The following DMRT1 variants were observed in gnomAD, a reference collection of about 807,000 sequenced individuals.
DMRT1 encodes the protein doublesex- and mab-3-related transcription factor 1.
A neutral mutation model predicts 32.3 loss-of-function variants in DMRT1; 7 were observed. That is an observed-to-expected ratio of 0.22 (90% confidence interval 0.12 to 0.41). DMRT1 has a LOEUF of 0.41. DMRT1 is among the 10% of genes least tolerant of loss of function. The pLI, the probability that DMRT1 is intolerant of heterozygous loss-of-function variation, is 1.00. For missense variants in DMRT1, 625 were observed against 500.5 expected (o/e 1.25, Z -2.37); for synonymous variants, 278 against 206.1 (o/e 1.35, Z -2.99).
At chr9:960,393 C>A (rs965143258) in intron 4 of DMRT1, among the ~76,000 whole-genome samples, 13 of 152,094 alleles carry the variant, frequency 8.5e-5, no homozygotes, top group African/African-American at 2.9e-4. Context: ...TATTAATTTC[C>A]AATGGAGTAC....
intron 4 of DMRT1, among the ~76,000 whole-genome samples, chr9:924,547 G>T (rs1818461366): frequency 6.6e-6 from 1 of 152,006 alleles, no homozygotes; most frequent in African/African-American, 2.4e-5. Context: ...TTTCTGTTTT[G>T]GCAGGTGCCT....
chr9:961,443 C>T (rs1586669151), intron 4 of DMRT1, among the ~76,000 whole-genome samples: 1 of 152,264 alleles, frequency 6.6e-6, no homozygotes, highest in East Asian at 1.9e-4. Context: ...TTCCTTCCTC[C>T]AAATGCTAGT....
At chr9:860,999 T>C (rs1426478824) in intron 2 of DMRT1, among the ~76,000 whole-genome samples, 1 of 151,156 alleles carries the variant, frequency 6.6e-6, no homozygotes. Context: ...ATGAATGCAG[T>C]GGACAGCCAT....
intron 4 of DMRT1, among the ~76,000 whole-genome samples, chr9:942,639 C>A (rs559066223): frequency 1.3e-5 from 2 of 152,166 alleles, no homozygotes; most frequent in East Asian, 3.9e-4. Context: ...AAACACTATA[C>A]CTGTGGTTCT....
chr9:893,767 G>T, intron 2 of DMRT1, 145 bp from the exon 3 acceptor site: 1 of 727,124 alleles, frequency 1.4e-6, no homozygotes, highest in Non-Finnish European at 2.3e-6. Context: ...CCCTTATTTT[G>T]GCTATAGGAG....
intron 3 of DMRT1, among the ~76,000 whole-genome samples, chr9:897,387 A>G (rs1330377241): frequency 6.6e-6 from 1 of 151,870 alleles, no homozygotes; most frequent in African/African-American, 2.4e-5. Context: ...AAGTGCTGGG[A>G]TTACAGGCGT....
intron 2 of DMRT1, among the ~76,000 whole-genome samples, chr9:857,208 G>C (rs2132566333): frequency 6.6e-6 from 1 of 152,302 alleles, no homozygotes; most frequent in South Asian, 2.1e-4. Context: ...TCGGGAGGCA[G>C]AGGTGGGAGA....
intron 2 of DMRT1, among the ~76,000 whole-genome samples, chr9:857,297 ACT>A (rs1213079018): frequency 2.1e-5 from 3 of 139,604 alleles, no homozygotes; most frequent in Non-Finnish European, 3.3e-5. Context: ...ACAGAGCAAG[ACT>A]CTATCTCAAA....
chr9:894,254 C>T (rs561607936), intron 3 of DMRT1, 59 bp downstream of exon 3: 2 of 1,519,534 alleles, frequency 1.3e-6, no homozygotes, highest in African/African-American at 2.7e-5. Context: ...TGCATGTGCA[C>T]ACACATGCAC....
intron 1 of DMRT1, among the ~76,000 whole-genome samples, chr9:845,827 T>G (rs1166346098): frequency 6.6e-6 from 1 of 152,174 alleles, no homozygotes; most frequent in Non-Finnish European, 1.5e-5. Context: ...GTACTGCCCC[T>G]TCATCCTTGC....
At position 916,780 on chromosome 9, in the gene DMRT1, C is replaced by T. The variant is rs773269120; in HGVS notation, c.840C>T (p.Asn280=). ...TTAAGCAGATGAAGAACATGGAGAACCGCCATGCAATGAGCTCCCAGTACA... is the reference window on the plus strand; with the variant it reads ...TTAAGCAGATGAAGAACATGGAGAATCGCCATGCAATGAGCTCCCAGTACA... ...GNQWQMKNME[N]RHAMSSQYRM... The change falls in exon 4 of 5, where the codon AAC becomes AAT. Residue 280 remains asparagine, a synonymous_variant. Transcript: ENST00000382276. 1 of 1,614,184 alleles carries T rather than the reference C, an allele frequency of 6.2e-7. No homozygotes were observed. Among genetic ancestry groups the T allele is most frequent in the South Asian group, 1.1e-5 (1 of 91,082 alleles).
At position 905,678 on chromosome 9, in the gene DMRT1, G is replaced by T. The variant is rs148453397; in HGVS notation, c.823-11085G>T. Among the ~76,000 whole-genome samples the T allele has an allele frequency of 4.6e-5, 7 of 152,268 alleles. No homozygotes were observed. The East Asian group carries it at 9.7e-4, about 21-fold the overall frequency. ...TGACAGAAGCAGGTGGACCCGTGAG[G>T]GGAAGAGGAGGGTGCAAGCAGAACA... is the stretch of plus-strand genomic sequence containing the variant. On this transcript the variant is annotated intron_variant, in intron 3 of 4. Coordinates refer to ENST00000382276, the MANE Select transcript of DMRT1 (RefSeq NM_021951.3).
intron 4 of DMRT1, among the ~76,000 whole-genome samples, chr9:955,784 G>A (rs767471503): frequency 6.6e-6 from 1 of 152,158 alleles, no homozygotes; most frequent in Non-Finnish European, 1.5e-5. Flanking sequence ...ATCAGTGAAC[G>A]GAAAATAAGC....
intron 2 of DMRT1, among the ~76,000 whole-genome samples, chr9:886,716 G>A (rs1284873163): frequency 6.6e-6 from 1 of 152,040 alleles, no homozygotes; most frequent in Non-Finnish European, 1.5e-5. Context: ...ATAAATTTGT[G>A]TGTTTTGTGG....
intron 4 of DMRT1, among the ~76,000 whole-genome samples, chr9:919,812 G>C (rs539971110): frequency 5.3e-5 from 8 of 152,302 alleles, no homozygotes; most frequent in African/African-American, 1.9e-4. Context: ...GAGCGTGGCA[G>C]TGATGACGGG....
intron 3 of DMRT1, among the ~76,000 whole-genome samples, chr9:898,268 T>C (rs147324127): frequency 0.053 from 8,108 of 151,808 alleles, 478 homozygotes; most frequent in East Asian, 0.14. Context: ...TACAGGCATG[T>C]GCCACCACGC....
At chr9:945,256 C>A (rs545192821) in intron 4 of DMRT1, among the ~76,000 whole-genome samples, 25 of 152,222 alleles carry the variant, frequency 1.6e-4, no homozygotes, top group Middle Eastern at 6.8e-3. Flanking sequence ...CAGGTTCAAA[C>A]GATTCTCCTG....
intron 2 of DMRT1, among the ~76,000 whole-genome samples, chr9:881,110 C>A (rs1816719293): frequency 7.1e-6 from 1 of 140,158 alleles, no homozygotes; most frequent in Non-Finnish European, 1.5e-5. Flanking sequence ...ATTCTATAGA[C>A]CCCCCCCACC....
intron 4 of DMRT1, among the ~76,000 whole-genome samples, chr9:956,571 A>AC (rs1276337743): frequency 8.7e-5 from 11 of 125,740 alleles, no homozygotes; most frequent in African/African-American, 2.2e-4. Flanking sequence ...CTCAAAAAAA[A>AC]AAAAAACAAA....
Sources: allele counts gnomAD v4.1 joint callset (sites outside exome capture counted in the v4.1 genomes callset), GRCh38; gene constraint gnomAD v4.1.1; transcripts MANE v1.5; gene names NCBI Gene and HGNC (gene_info 2026-07-23, HGNC 2026-07-21).